P2RX3: variants seen among roughly 807,000 people sequenced by gnomAD.
The protein encoded by P2RX3 is P2X purinoceptor 3.
In P2RX3, 41 loss-of-function variants were observed where a neutral mutation model predicts 51.5. The observed-to-expected ratio is 0.80, with a 90% CI of 0.62 to 1.03. The LOEUF (loss-of-function observed/expected upper bound fraction) is 1.03, where lower values mean the gene tolerates loss of function less well. P2RX3 is among the 50% of genes least tolerant of loss of function. P2RX3 has a pLI of 0.00. For synonymous variants in P2RX3, 185 were observed against 191.6 expected (o/e 0.97, Z 0.29); for missense variants, 459 against 522.1 (o/e 0.88, Z 1.18).
At chr11:57,360,650 C>T (rs1444394257) in intron 8 of P2RX3, among the ~76,000 whole-genome samples, 4 of 151,846 alleles carry the variant, frequency 2.6e-5, no homozygotes, top group African/African-American at 9.7e-5. Context: ...AAAAAATTAG[C>T]TGGGCATGGT....
At position 57,369,398 on chromosome 11, in the gene P2RX3, T is replaced by C. The variant is rs1856846974; in HGVS notation, c.1040T>C (p.Leu347Pro). Residue 347 changes from leucine (L) to proline (P), a missense_variant, in exon 11 of 12, where the codon CTC (leucine) becomes CCC (proline). Transcript: ENST00000263314. ...TGTGACATCATCCTGCTCAACTTCC[T>C]CAAGGGGGCCGACCAGTACAAAGCC... ...VLCDIILLNF[L>P]KGADQYKAKK... The C allele has an allele frequency of 6.2e-7, 1 of 1,610,182 alleles. No homozygotes were observed. Among genetic ancestry groups the C allele is most frequent in the African/African-American group, 1.3e-5 (1 of 74,690 alleles).
rs967492201 is a variant in P2RX3, at chr11:57,371,203, C to G, written c.*1206C>G. Among the ~76,000 whole-genome samples the G allele has an allele frequency of 6.6e-6, 1 of 152,386 alleles. No homozygotes were observed. The highest frequency in any genetic ancestry group is 1.9e-4 in the East Asian group (1 of 5,192). ...CTGGATCCATTGACCCAGACATCCT[C>G]TATCCCCTTTCTGTCCTCTCCTACA... On this transcript the variant is annotated 3_prime_UTR_variant, in exon 12 of 12. Coordinates refer to ENST00000263314, the MANE Select transcript of P2RX3 (RefSeq NM_002559.5).
In P2RX3 at chr11:57,346,079, TG is replaced by T. The variant is rs567737672; in HGVS notation, c.120-462del. Among the ~76,000 whole-genome samples the T allele has an allele frequency of 1.6e-3, 246 of 152,294 alleles. 1 individual carries two copies. The highest frequency in any genetic ancestry group is 5.6e-3 in the African/African-American group (232 of 41,566). On this transcript the variant is annotated intron_variant, in intron 1 of 11. Transcript: ENST00000263314. The stretch of plus-strand genomic sequence containing the variant: ...AGCCGTGGGCCAAGGCTGGAATGCA[TG>T]GGAGCAGAGGCCTGGGATCCTCTGT...
In P2RX3 at chr11:57,371,629, C is replaced by G. The variant is rs1382750789; in HGVS notation, c.*1632C>G. 2.0e-5 allele frequency among the ~76,000 whole-genome samples: 3 copies of G among 152,224 alleles called. No individual in the cohort carries two copies. The highest frequency in any genetic ancestry group is 2.0e-4 in the Admixed American group (3 of 15,286). On this transcript the variant is annotated 3_prime_UTR_variant, in exon 12 of 12. Transcript: ENST00000263314. ...CCCACCCCACATAAAGCTCAACACC[C>G]CTTCCCTCACTCTGCCCTAACCCAC...
rs748715463 is a variant in P2RX3 at position 57,369,992 on chromosome 11, C to T, written c.1189C>T (p.His397Tyr). The change falls in exon 12 of 12, where the codon CAC becomes TAC. Residue 397 changes from histidine (H) to tyrosine (Y), a missense_variant. Coordinates refer to ENST00000263314, the MANE Select transcript of P2RX3 (RefSeq NM_002559.5). Reference protein sequence around the residue: ...STDSGAFSIGH With the variant: ...STDSGAFSIGY The stretch of plus-strand genomic sequence containing the variant: ...CGATTCGGGGGCCTTCTCCATAGGC[C>T]ACTAGGGCCTCTTTCCAGGGCCCCA... The T allele has an allele frequency of 2.5e-6, 4 of 1,609,060 alleles. No individual in the cohort carries two copies. In the African/African-American group the frequency reaches 5.3e-5, roughly 21 times the overall value.
At chr11:57,366,169 T>G (rs148383817) in intron 8 of P2RX3, among the ~76,000 whole-genome samples, 1 of 152,298 alleles carries the variant, frequency 6.6e-6, no homozygotes, top group African/African-American at 2.4e-5. Context: ...AGATGACACT[T>G]TCCTAATGTT....
intron 10 of P2RX3, among the ~76,000 whole-genome samples, chr11:57,369,056 T>G (rs1174221568): frequency 6.6e-6 from 1 of 152,132 alleles, no homozygotes; most frequent in Non-Finnish European, 1.5e-5. Flanking sequence ...GATAGCCCAT[T>G]AATCCATTAA....
upstream of P2RX3, among the ~76,000 whole-genome samples, chr11:57,337,329 A>AAAGG (rs10644449): frequency 0.96 from 74,278 of 77,328 alleles, 35,821 homozygotes; most frequent in East Asian, 0.99. Context: ...AAGAAAAAAA[A>AAAGG]AAGGAAGGGA....
chr11:57,340,138 G>T (rs1203090108), intron 1 of P2RX3, among the ~76,000 whole-genome samples: 1 of 152,232 alleles, frequency 6.6e-6, no homozygotes, highest in Non-Finnish European at 1.5e-5. Context: ...TATATTCAAT[G>T]CTGTGGTTGT....
At chr11:57,359,739 G>C (rs1281690160) in intron 8 of P2RX3, among the ~76,000 whole-genome samples, 2 of 152,218 alleles carry the variant, frequency 1.3e-5, no homozygotes, top group Non-Finnish European at 2.9e-5. Context: ...AGTAGGGGTA[G>C]GCAAGGGCTT....
At chr11:57,356,515 T>C (rs1165201692) in intron 8 of P2RX3, among the ~76,000 whole-genome samples, 1 of 152,224 alleles carries the variant, frequency 6.6e-6, no homozygotes, top group African/African-American at 2.4e-5. Flanking sequence ...GCGGTAGGTG[T>C]TTCTAGTGAT....
rs11229006 is a variant in P2RX3, at chr11:57,349,868, G to T, written c.675G>T (p.Ala225=). ...ILRVGDVVKF[A]GQDFAKLART... ...GGGTAGGGGACGTGGTCAAGTTTGC[G>T]GGGCAGGATTTTGCCAAACTGGCGC... Residue 225 remains alanine (A), a synonymous_variant, in exon 7 of 12, where the codon GCG becomes GCT. Transcript: ENST00000263314. 6.2e-7 allele frequency: 1 copy of T among 1,614,198 alleles called. No homozygotes were observed. The highest frequency in any genetic ancestry group is 8.5e-7 in the Non-Finnish European group (1 of 1,180,040).
At chr11:57,352,131 G>T (rs1856558634) in intron 8 of P2RX3, among the ~76,000 whole-genome samples, 1 of 151,868 alleles carries the variant, frequency 6.6e-6, no homozygotes, top group Admixed American at 6.6e-5. Flanking sequence ...TGTTGAGGTG[G>T]TATTCTCTGA....
intron 8 of P2RX3, among the ~76,000 whole-genome samples, chr11:57,354,666 T>A (rs183714161): frequency 9.1e-4 from 138 of 152,056 alleles, no homozygotes; most frequent in Non-Finnish European, 1.6e-3. Context: ...TGTGTGCACA[T>A]GCGAGTTCGT....
chr11:57,358,445 T>A (rs1856664110), intron 8 of P2RX3, among the ~76,000 whole-genome samples: 1 of 152,214 alleles, frequency 6.6e-6, no homozygotes. Flanking sequence ...CGAAAAATGC[T>A]TATACAAAAG....
chr11:57,361,541 A>G (rs984814427), intron 8 of P2RX3, among the ~76,000 whole-genome samples: 2 of 152,028 alleles, frequency 1.3e-5, no homozygotes, highest in African/African-American at 2.4e-5. Context: ...ATAACATGCA[A>G]TGTTTGGTTT....
At chr11:57,339,169 G>C (rs1444117225) in intron 1 of P2RX3, among the ~76,000 whole-genome samples, 1 of 152,112 alleles carries the variant, frequency 6.6e-6, no homozygotes, top group Non-Finnish European at 1.5e-5. Flanking sequence ...AGAGAGAACT[G>C]GATCTGTTTT....
chr11:57,368,206 C>T (rs1156520390), intron 9 of P2RX3, 104 bp downstream of exon 9: 2 of 1,343,474 alleles, frequency 1.5e-6, no homozygotes. Context: ...TGCTGCTGGC[C>T]AGCTTTGACA....
chr11:57,338,801 G>A (rs1565059181), intron 1 of P2RX3, 132 bp downstream of exon 1: 1 of 634,394 alleles, frequency 1.6e-6, no homozygotes, highest in Non-Finnish European at 2.8e-6. Context: ...CTTCTGTGGA[G>A]CCGAGTCTTA....
Sources: gnomAD v4.1 joint callset for allele counts (sites outside exome capture counted in the v4.1 genomes callset) on GRCh38, gnomAD v4.1.1 for gene constraint, MANE v1.5 for transcripts, NCBI Gene and HGNC (gene_info 2026-07-23, HGNC 2026-07-21) for gene names.